ANAPC1: variants seen among roughly 807,000 people sequenced by gnomAD.
ANAPC1 encodes anaphase promoting complex subunit 1.
In ANAPC1, 36 loss-of-function variants were observed where a neutral mutation model predicts 208.0. That is an observed-to-expected ratio of 0.17 (90% confidence interval 0.13 to 0.23). The LOEUF is 0.23. Ranked by LOEUF, ANAPC1 falls within the 10% of genes least tolerant of loss-of-function variation. The pLI is 1.00. For synonymous variants in ANAPC1, 378 were observed against 695.2 expected, an observed-to-expected ratio of 0.54 and a Z score of 7.18; for missense variants, 942 against 2,011.6, an observed-to-expected ratio of 0.47 and a Z score of 10.17.
chr2:111,802,972 T>A (rs982975966), intron 32 of ANAPC1: 7 of 192,154 alleles, frequency 3.6e-5, no homozygotes, highest in Non-Finnish European at 6.9e-5. Flanking sequence ...ATGCCAAAGA[T>A]CTTACTTTCA....
At position 111,847,848 on chromosome 2, in the gene ANAPC1, TG is replaced by T; in HGVS notation, c.1667del (p.Pro556GlnfsTer5). 6.3e-7 allele frequency: 1 copy of T among 1,588,044 alleles called. No homozygotes were observed. Among genetic ancestry groups the T allele is most frequent in the Non-Finnish European group, 8.5e-7 (1 of 1,170,610 alleles). On this transcript the variant is annotated frameshift_variant, in exon 15 of 48. Transcript: ENST00000341068. LOFTEE classifies it high-confidence loss of function. ...GSLDEVVLLS[P>X]VPELRDSSKL... is the part of the protein sequence containing the mutation. ...TTGAAGAATCCCTCAGTTCTGGAAC[TG>T]GGGACAACAGAACAACCTGTAAAAA... is the stretch of plus-strand genomic sequence containing the variant.
chr2:111,862,512 C>T lies in ANAPC1; in HGVS notation c.1139G>A (p.Arg380Lys). The T allele has an allele frequency of 1.2e-6, 2 of 1,611,532 alleles. No homozygotes were observed. Among genetic ancestry groups the T allele is most frequent in the East Asian group, 2.2e-5 (1 of 44,870 alleles). ...ATTTGGAGAATGAGAAATACTATGT[C>T]TCTTTGGAGACTGATTATGGCTTGA... Reference protein sequence around the residue: ...NISSHNQSPKRHSISHSPNSN... With the variant: ...NISSHNQSPKKHSISHSPNSN... The change falls in exon 10 of 48, where the codon AGA becomes AAA. Residue 380 changes from arginine (R) to lysine (K), a missense_variant. Transcript: ENST00000341068.
chr2:111,829,811 T>G (rs943197481), intron 21 of ANAPC1, among the ~76,000 whole-genome samples: 1 of 152,186 alleles, frequency 6.6e-6, no homozygotes, highest in African/African-American at 2.4e-5. Flanking sequence ...GGCTCACACC[T>G]GTAATCCCAG....
chr2:111,817,711 C>A (rs1462779180), intron 27 of ANAPC1, among the ~76,000 whole-genome samples: 2 of 143,468 alleles, frequency 1.4e-5, no homozygotes, highest in Admixed American at 1.4e-4. Flanking sequence ...ATTATGTTTG[C>A]ATATATTATG....
chr2:111,808,319 T>G (rs576887907), intron 29 of ANAPC1, among the ~76,000 whole-genome samples: 1 of 152,296 alleles, frequency 6.6e-6, no homozygotes, highest in East Asian at 1.9e-4. Context: ...AACTAAATTG[T>G]TGAGCATATT....
At chr2:111,878,699 A>G (rs997663592) in intron 3 of ANAPC1, 111 bp downstream of exon 3, 24 of 1,398,602 alleles carry the variant, frequency 1.7e-5, no homozygotes, top group Non-Finnish European at 2.2e-5. Flanking sequence ...ACGTACACCC[A>G]GCTGCTGAGA....
At chr2:111,874,704 A>G (rs1339732932) in intron 3 of ANAPC1, among the ~76,000 whole-genome samples, 2 of 152,244 alleles carry the variant, frequency 1.3e-5, no homozygotes, top group East Asian at 3.8e-4. Context: ...CCTTTTGGCT[A>G]TCATAAATAA....
chr2:111,851,106 A>AT (rs112848714), intron 13 of ANAPC1, among the ~76,000 whole-genome samples, 196 bp from the exon 14 acceptor site: 4,505 of 146,594 alleles, frequency 0.031, 138 homozygotes, highest in African/African-American at 0.072. Flanking sequence ...TGTTGGTATA[A>AT]TTTTTTTTTT....
At position 111,878,928 on chromosome 2, in the gene ANAPC1, T is replaced by C; in HGVS notation, c.257A>G (p.Asp86Gly). 2 of 1,587,006 alleles carry C rather than the reference T, an allele frequency of 1.3e-6. No homozygotes were observed. The highest frequency in any genetic ancestry group is 1.7e-6 in the Non-Finnish European group (2 of 1,172,338). Residue 86 changes from aspartate to glycine, a missense_variant, in exon 3 of 48, where the codon GAT (aspartate) becomes GGT (glycine). Physicochemically the swap from Asp to Gly is moderately conservative, Grantham distance 94 (BLOSUM62 -1). Transcript: ENST00000341068. ...ATAGAGTTCCTCATCATAGTCCACATCTTCTCCAATTTCACTTACTCCTTT... is the reference window on the plus strand; with the variant it reads ...ATAGAGTTCCTCATCATAGTCCACACCTTCTCCAATTTCACTTACTCCTTT... ...LRKGVSEIGE[D>G]VDYDEELYVA...
intron 21 of ANAPC1, among the ~76,000 whole-genome samples, chr2:111,830,798 T>C (rs1680087523): frequency 6.6e-6 from 1 of 152,154 alleles, no homozygotes; most frequent in African/African-American, 2.4e-5. Flanking sequence ...GGTAAAAATG[T>C]AAAATGGAAG....
At chr2:111,847,608 T>C (rs1681162950) in intron 15 of ANAPC1, 117 bp downstream of exon 15, 8 of 1,308,876 alleles carry the variant, frequency 6.1e-6, no homozygotes, top group South Asian at 2.3e-5. Flanking sequence ...AATGACACAA[T>C]AGATTTTTTT....
At chr2:111,851,836 A>G (rs1476105331) in intron 13 of ANAPC1, among the ~76,000 whole-genome samples, 3 of 151,580 alleles carry the variant, frequency 2.0e-5, no homozygotes, top group African/African-American at 7.3e-5. Flanking sequence ...TGAGTTGACA[A>G]TCCGTGCTAA....
At chr2:111,859,445 C>A (rs1159395425) in intron 10 of ANAPC1, among the ~76,000 whole-genome samples, 1 of 151,530 alleles carries the variant, frequency 6.6e-6, no homozygotes, top group Non-Finnish European at 1.5e-5. Flanking sequence ...CACTCCAGCC[C>A]GGGCAACAAG....
At chr2:111,837,676 G>A (rs1680543274) in intron 18 of ANAPC1, among the ~76,000 whole-genome samples, 1 of 151,716 alleles carries the variant, frequency 6.6e-6, no homozygotes, top group African/African-American at 2.4e-5. Flanking sequence ...CTTTATAGGA[G>A]TGTAGGTTAC....
rs191236370 is a variant in ANAPC1, at chr2:111,780,962, G to T, written c.5203-577C>A. On this transcript the variant is annotated intron_variant, in intron 43 of 47. Transcript: ENST00000341068. ...GTTATTGTTGCAGGTATAGATCTCAGGTCTGCAAGATGAAACAGTTCTAGA... is the reference window on the plus strand; with the variant it reads ...GTTATTGTTGCAGGTATAGATCTCATGTCTGCAAGATGAAACAGTTCTAGA... Among the ~76,000 whole-genome samples, 189 of 145,140 alleles carry T rather than the reference G, an allele frequency of 1.3e-3. 4 individuals carry two copies. The highest frequency in any genetic ancestry group is 7.0e-3 in the Middle Eastern group (2 of 286).
At chr2:111,835,011 C>T in intron 18 of ANAPC1, 139 bp from the exon 19 acceptor site, 9 of 1,035,032 alleles carry the variant, frequency 8.7e-6, no homozygotes, top group Non-Finnish European at 1.1e-5. Flanking sequence ...AAAAAAAAGA[C>T]AATGCTAAGA....
chr2:111,841,001 C>G (rs1037712338), intron 17 of ANAPC1, among the ~76,000 whole-genome samples: 35 of 152,144 alleles, frequency 2.3e-4, no homozygotes, highest in Non-Finnish European at 4.1e-4. Context: ...CAGGATAGCG[C>G]CACTGCATTC....
chr2:111,881,977 G>A (rs1415738138), intron 1 of ANAPC1, among the ~76,000 whole-genome samples: 1 of 152,278 alleles, frequency 6.6e-6, no homozygotes, highest in African/African-American at 2.4e-5. Context: ...TAGGTCAGGA[G>A]ATCGAGACCA....
chr2:111,770,035 A>G (rs1676646276), intron 47 of ANAPC1, among the ~76,000 whole-genome samples: 1 of 148,554 alleles, frequency 6.7e-6, no homozygotes, highest in Non-Finnish European at 1.5e-5. Context: ...TGTAATGAAC[A>G]TTTCCTCTGA....
Sources: gnomAD v4.1 joint callset for allele counts (sites outside exome capture counted in the v4.1 genomes callset) on GRCh38, gnomAD v4.1.1 for gene constraint, MANE v1.5 for transcripts, NCBI Gene and HGNC (gene_info 2026-07-23, HGNC 2026-07-21) for gene names.